Variants in PTPRS observed in about 807,000 individuals in gnomAD.
The protein encoded by PTPRS is receptor-type tyrosine-protein phosphatase S.
Under a neutral mutation model 215.3 loss-of-function variants are expected in PTPRS, and 63 were observed. The ratio of observed to expected loss-of-function variants is 0.29; its 90% CI spans 0.24 to 0.36. The LOEUF is 0.36. PTPRS is among the 10% of genes least tolerant of loss of function. The probability of loss-of-function intolerance (pLI) is 1.00; values close to 1 mark genes in which losing one functional copy is unlikely to be tolerated. For missense variants in PTPRS, 2,258 were observed against 2,825.8 expected (o/e 0.80, Z 4.56); for synonymous variants, 1,404 against 1,191.4 (o/e 1.18, Z -3.68).
At chr19:5,268,312 G>A (rs2046608138) in intron 4 of PTPRS, among the ~76,000 whole-genome samples, 1 of 152,118 alleles carries the variant, frequency 6.6e-6, no homozygotes, top group Non-Finnish European at 1.5e-5. Flanking sequence ...AGCCTGTAGA[G>A]CCAAAAATAT....
intron 16 of PTPRS, among the ~76,000 whole-genome samples, chr19:5,227,806 T>G (rs1160149032): frequency 1.3e-5 from 2 of 152,076 alleles, no homozygotes; most frequent in African/African-American, 4.8e-5. Flanking sequence ...ATCTAGCACA[T>G]AGTAGGTGCT....
chr19:5,264,516 G>A (rs1476962786), intron 5 of PTPRS, among the ~76,000 whole-genome samples: 1 of 152,100 alleles, frequency 6.6e-6, no homozygotes, highest in African/African-American at 2.4e-5. Flanking sequence ...TTGCTACATT[G>A]CCCATGCTGG....
chr19:5,211,699 T>C lies in PTPRS; in HGVS notation c.5125A>G (p.Asn1709Asp). The change falls in exon 33 of 38, where the codon AAC becomes GAC. Residue 1709 changes from asparagine (N) to aspartate (D), a missense_variant. Around this residue, in one of 6 missense-constraint regions of PTPRS, gnomAD observed 927 missense variants for 1,125.9 expected, o/e 0.82. Coordinates refer to ENST00000262963, the MANE Select transcript of PTPRS (RefSeq NM_002850.4). Reference protein sequence around the residue: ...SANLPCNKFKNRLVNIMPYES... With the variant: ...SANLPCNKFKDRLVNIMPYES... Reference sequence around the variant, plus strand: ...TAGGGCATGATGTTCACCAGGCGGTTCTTGAACTTGTTACAAGGCAGATTG... The same window carrying C: ...TAGGGCATGATGTTCACCAGGCGGTCCTTGAACTTGTTACAAGGCAGATTG... 1 of 1,614,098 alleles carries C rather than the reference T, an allele frequency of 6.2e-7. No homozygotes were observed. Among genetic ancestry groups the C allele is most frequent in the South Asian group, 1.1e-5 (1 of 91,090 alleles).
In PTPRS at chr19:5,309,714, C is replaced by T. The variant is rs552856390; in HGVS notation, c.-94-23480G>A. On this transcript the variant is annotated intron_variant, in intron 1 of 37. Transcript: ENST00000262963. ...GAGTCGTTCTTGACTCATCTCAACC[C>T]TACCCTGCAGCCAACCACTTGGAGA... 5.8e-4 allele frequency among the ~76,000 whole-genome samples: 88 copies of T among 152,278 alleles called. 1 individual carries two copies. Among genetic ancestry groups the T allele is most frequent in the African/African-American group, 2.1e-3 (86 of 41,550 alleles).
chr19:5,251,049 A>G, intron 9 of PTPRS: 1 of 152,946 alleles, frequency 6.5e-6, no homozygotes, highest in Non-Finnish European at 1.3e-5. Context: ...AGGGCAGGGG[A>G]GAGATGCCAA....
At chr19:5,326,345 G>A (rs1406836184) in intron 1 of PTPRS, among the ~76,000 whole-genome samples, 1 of 152,176 alleles carries the variant, frequency 6.6e-6, no homozygotes, top group Non-Finnish European at 1.5e-5. Context: ...GGGGTGCTCA[G>A]GCTTCAGCTT....
rs2050618827 is a variant in PTPRS at position 5,339,579 on chromosome 19, G to C, written c.-95+1085C>G. Among the ~76,000 whole-genome samples, 1 of 152,072 alleles carries C rather than the reference G, an allele frequency of 6.6e-6. No homozygotes were observed. The highest frequency in any genetic ancestry group is 6.5e-5 in the Admixed American group (1 of 15,280). On this transcript the variant is annotated intron_variant, in intron 1 of 37. Coordinates refer to ENST00000262963, the MANE Select transcript of PTPRS (RefSeq NM_002850.4). The surrounding 1 kb of genome is among the most constrained non-coding windows in gnomAD (Gnocchi z 4.2). ...AGGATTTGTAGGGGGAGGTCCGAAG[G>C]GGAGGATCTTAATTTTAGGAGAGAT...
chr19:5,240,075 G>A (rs1175078826), intron 12 of PTPRS, 124 bp downstream of exon 12: 25 of 1,153,284 alleles, frequency 2.2e-5, no homozygotes, highest in African/African-American at 4.8e-5. Flanking sequence ...AAGCAGAAGG[G>A]GTGAGGAAGA....
intron 2 of PTPRS, among the ~76,000 whole-genome samples, chr19:5,274,994 G>A (rs558495654): frequency 2.0e-5 from 3 of 152,042 alleles, no homozygotes; most frequent in Non-Finnish European, 4.4e-5. Context: ...CAGGAGCTCA[G>A]AAAGGGGAAG....
intron 9 of PTPRS, among the ~76,000 whole-genome samples, chr19:5,255,185 C>T (rs2045453615): frequency 6.6e-6 from 1 of 152,230 alleles, no homozygotes; most frequent in South Asian, 2.1e-4. Flanking sequence ...GAGTTACTAC[C>T]TCTGGGGAAA....
chr19:5,218,588 A>G, intron 24 of PTPRS, 56 bp from the exon 25 acceptor site: 1 of 1,578,562 alleles, frequency 6.3e-7, no homozygotes, highest in East Asian at 2.2e-5. Context: ...TTCATGTGTG[A>G]ACACAATTCA....
At chr19:5,207,069 A>G (rs111770339) in intron 37 of PTPRS, among the ~76,000 whole-genome samples, 41 of 151,978 alleles carry the variant, frequency 2.7e-4, no homozygotes, top group African/African-American at 9.4e-4. Context: ...GTCTGCCTGG[A>G]GGCCCTATTC....
chr19:5,287,800 A>T lies in PTPRS; in HGVS notation c.-94-1566T>A, dbSNP rs1044746610. 1.3e-5 allele frequency among the ~76,000 whole-genome samples: 2 copies of T among 152,056 alleles called. No individual in the cohort carries two copies. The highest frequency in any genetic ancestry group is 4.8e-5 in the African/African-American group (2 of 41,402). ...AGTTAGGCCACAGGCATACAGTCAG[A>T]CCAGCCACAGAGAACGATGCCTGCT... On this transcript the variant is annotated intron_variant, in intron 1 of 37. Transcript: ENST00000262963. The surrounding 1 kb of genome is among the most constrained non-coding windows in gnomAD (Gnocchi z 4.8).
At chr19:5,239,426 GGAGA>G (rs766399508) in intron 12 of PTPRS, among the ~76,000 whole-genome samples, 56 of 150,936 alleles carry the variant, frequency 3.7e-4, no homozygotes, top group Admixed American at 2.4e-3. Flanking sequence ...GAGAAACAAA[GGAGA>G]GAGACAGACA....
At chr19:5,225,264 G>A (rs1027915092) in intron 17 of PTPRS, among the ~76,000 whole-genome samples, 1 of 152,002 alleles carries the variant, frequency 6.6e-6, no homozygotes, top group Admixed American at 6.6e-5. Flanking sequence ...TAGCCGGGGC[G>A]ACCAGAGCCT....
At chr19:5,326,162 T>TG (rs2050161423) in intron 1 of PTPRS, among the ~76,000 whole-genome samples, 1 of 151,782 alleles carries the variant, frequency 6.6e-6, no homozygotes, top group Non-Finnish European at 1.5e-5. Flanking sequence ...ACCCGGGAGG[T>TG]GGGGGTTGCA....
intron 13 of PTPRS, among the ~76,000 whole-genome samples, chr19:5,236,347 C>T (rs2043439875): frequency 6.6e-6 from 1 of 152,224 alleles, no homozygotes; most frequent in Non-Finnish European, 1.5e-5. Context: ...GGTGGCAGAG[C>T]CAGGATTGGA....
At chr19:5,301,577 A>C (rs2049305845) in intron 1 of PTPRS, among the ~76,000 whole-genome samples, 1 of 151,394 alleles carries the variant, frequency 6.6e-6, no homozygotes, top group East Asian at 2.0e-4. Context: ...CAGCCTCCCA[A>C]AGTGCCAGGA....
intron 1 of PTPRS, among the ~76,000 whole-genome samples, chr19:5,307,416 ATC>A (rs771962778): frequency 3.4e-5 from 5 of 145,970 alleles, no homozygotes; most frequent in Non-Finnish European, 6.2e-5. Context: ...TGAGATCAGT[ATC>A]TCTTAGTGTT....
Sources: gnomAD v4.1 joint callset for allele counts (sites outside exome capture counted in the v4.1 genomes callset) on GRCh38, gnomAD v4.1.1 for gene constraint, gnomAD v4.1.1 regional missense constraint, Gnocchi (gnomAD v3.1) non-coding constraint, MANE v1.5 for transcripts, NCBI Gene and HGNC (gene_info 2026-07-23, HGNC 2026-07-21) for gene names.